PTPRD: variants seen among roughly 807,000 people sequenced by gnomAD.
The protein encoded by PTPRD is receptor-type tyrosine-protein phosphatase delta.
In PTPRD, 34 loss-of-function variants were observed where a neutral mutation model predicts 214.5. The observed-to-expected ratio is 0.16, with a 90% CI of 0.12 to 0.21. The LOEUF (loss-of-function observed/expected upper bound fraction) is 0.21, where lower values mean the gene tolerates loss of function less well. PTPRD is among the 10% of genes least tolerant of loss of function. The probability of loss-of-function intolerance (pLI) is 1.00; values close to 1 mark genes in which losing one functional copy is unlikely to be tolerated. For synonymous variants in PTPRD, 1,128 were observed against 845.7 expected (o/e 1.33, Z -5.79); for missense variants, 2,545 against 2,398.7 (o/e 1.06, Z -1.27).
intron 3 of PTPRD, among the ~76,000 whole-genome samples, chr9:10,201,289 AG>A (rs1216745889): frequency 6.6e-6 from 1 of 152,066 alleles, no homozygotes; most frequent in Admixed American, 6.6e-5. Context: ...GTCACTTAAA[AG>A]AAATATGTAC....
intron 11 of PTPRD, among the ~76,000 whole-genome samples, chr9:8,939,795 T>C (rs1347111673): frequency 2.6e-5 from 4 of 152,180 alleles, no homozygotes; most frequent in Non-Finnish European, 5.9e-5. Context: ...ATGTAATAAA[T>C]ACTGATGATA....
intron 7 of PTPRD, among the ~76,000 whole-genome samples, chr9:9,593,955 A>C (rs1259594331): frequency 6.6e-6 from 1 of 152,040 alleles, no homozygotes; most frequent in Non-Finnish European, 1.5e-5. Flanking sequence ...ACCTGAGAAA[A>C]GGGGATTGGA....
At chr9:9,313,375 T>A (rs1960313264) in intron 9 of PTPRD, among the ~76,000 whole-genome samples, 1 of 152,158 alleles carries the variant, frequency 6.6e-6, no homozygotes. Context: ...CAATTGTACC[T>A]GAAAAACAGA....
At chr9:8,992,997 T>C (rs1214564960) in intron 11 of PTPRD, among the ~76,000 whole-genome samples, 1 of 152,176 alleles carries the variant, frequency 6.6e-6, no homozygotes, top group Non-Finnish European at 1.5e-5. Flanking sequence ...GGACATACAG[T>C]TTTGTCTTCC....
chr9:8,740,735 T>C (rs1455373617), intron 11 of PTPRD, among the ~76,000 whole-genome samples: 1 of 150,624 alleles, frequency 6.6e-6, no homozygotes, highest in Non-Finnish European at 1.5e-5. Context: ...CATGTTTTTA[T>C]GACAATCAGT....
chr9:10,595,577 T>C lies in PTPRD; in HGVS notation c.-600+16821A>G, dbSNP rs546847469. On this transcript the variant is annotated intron_variant, in intron 2 of 45. Transcript: ENST00000381196. ...TGCTACACAGATACAGAGTCACACC[T>C]ATGATTTAAATATAATTTGCCTATA... 5.9e-5 allele frequency among the ~76,000 whole-genome samples: 9 copies of C among 151,794 alleles called. No individual in the cohort carries two copies. The South Asian group carries it at 1.5e-3, about 24-fold the overall frequency.
chr9:10,431,410 G>T (rs2098677109), intron 2 of PTPRD, among the ~76,000 whole-genome samples: 2 of 152,000 alleles, frequency 1.3e-5, no homozygotes, highest in African/African-American at 4.8e-5. Flanking sequence ...AAAAGCAATG[G>T]CAACAAAAGA....
At chr9:8,434,685 T>C (rs1350471780) in intron 35 of PTPRD, among the ~76,000 whole-genome samples, 1 of 152,054 alleles carries the variant, frequency 6.6e-6, no homozygotes, top group African/African-American at 2.4e-5. Flanking sequence ...CATGGCAAAA[T>C]AATAAGAATC....
intron 10 of PTPRD, among the ~76,000 whole-genome samples, chr9:9,056,960 A>G (rs2099697375): frequency 6.6e-6 from 1 of 152,154 alleles, no homozygotes; most frequent in Non-Finnish European, 1.5e-5. Context: ...CCAATTAGGA[A>G]CTTGATGATC....
chr9:8,962,968 A>C (rs1366629290), intron 11 of PTPRD: 6 of 152,176 alleles, frequency 3.9e-5, no homozygotes, highest in African/African-American at 1.4e-4. Flanking sequence ...AAGATTTCCC[A>C]GCAGCACTGT....
At chr9:9,280,976 A>G (rs1008874687) in intron 9 of PTPRD, among the ~76,000 whole-genome samples, 2 of 151,326 alleles carry the variant, frequency 1.3e-5, no homozygotes, top group Admixed American at 1.3e-4. Flanking sequence ...ACATACACAT[A>G]ATCAAGTAAT....
At chr9:9,446,310 G>T (rs895990467) in intron 8 of PTPRD, among the ~76,000 whole-genome samples, 1 of 152,116 alleles carries the variant, frequency 6.6e-6, no homozygotes, top group Non-Finnish European at 1.5e-5. Flanking sequence ...GTGGCCTAAA[G>T]ATAGGTCTCT....
rs967406900 is a variant in PTPRD at position 8,485,339 on chromosome 9, A to T, written c.3056-15T>A. The T allele has an allele frequency of 3.8e-6, 6 of 1,580,690 alleles. No individual in the cohort carries two copies. Among genetic ancestry groups the T allele is most frequent in the Non-Finnish European group, 5.2e-6 (6 of 1,149,898 alleles). The stretch of plus-strand genomic sequence containing the variant: ...TTTTGCAAACACTGCTGGAAAAGGA[A>T]AAACAGTGTATTTAAACTATTCTTA... On this transcript the variant is annotated splice_polypyrimidine_tract_variant and intron_variant, in intron 28 of 45. Transcript: ENST00000381196.
chr9:8,965,446 C>T (rs1043618390), intron 11 of PTPRD, among the ~76,000 whole-genome samples: 7 of 151,784 alleles, frequency 4.6e-5, no homozygotes, highest in African/African-American at 1.7e-4. Flanking sequence ...GTTGAAGTCC[C>T]CCACTTTTAT....
intron 44 of PTPRD, among the ~76,000 whole-genome samples, chr9:8,326,315 CTA>C (rs1453257648): frequency 1.3e-5 from 2 of 152,188 alleles, no homozygotes; most frequent in African/African-American, 4.8e-5. Flanking sequence ...TTTTCTGCAT[CTA>C]TTGAGATAAT....
intron 7 of PTPRD, among the ~76,000 whole-genome samples, chr9:9,696,800 A>T (rs2097383366): frequency 6.6e-6 from 1 of 152,090 alleles, no homozygotes. Context: ...CTATTTAAAC[A>T]CAATGTTATT....
At chr9:8,324,888 A>G (rs1053912239) in intron 44 of PTPRD, among the ~76,000 whole-genome samples, 1 of 152,214 alleles carries the variant, frequency 6.6e-6, no homozygotes. Flanking sequence ...TGTCTGCCGC[A>G]TCAGTGTCTT....
At chr9:10,152,442 T>C (rs536555583) in intron 3 of PTPRD, among the ~76,000 whole-genome samples, 41 of 152,200 alleles carry the variant, frequency 2.7e-4, no homozygotes, top group Non-Finnish European at 5.3e-4. Context: ...TTCACAAATA[T>C]TTTCTCTTAG....
chr9:9,174,234 G>A (rs2099923249), intron 10 of PTPRD, among the ~76,000 whole-genome samples: 1 of 152,010 alleles, frequency 6.6e-6, no homozygotes, highest in Non-Finnish European at 1.5e-5. Flanking sequence ...AACTCCTTGA[G>A]GGCAGGTACC....
Sources: allele counts gnomAD v4.1 joint callset (sites outside exome capture counted in the v4.1 genomes callset), GRCh38; gene constraint gnomAD v4.1.1; transcripts MANE v1.5; gene names NCBI Gene and HGNC (gene_info 2026-07-23, HGNC 2026-07-21).